The following OSBP2 variants were observed in gnomAD, a reference collection of about 807,000 sequenced individuals.
OSBP2 encodes oxysterol-binding protein 2.
OSBP2 carries 66 observed loss-of-function variants against 96.0 expected under a neutral mutation model. The observed-to-expected ratio is 0.69, with a 90% CI of 0.56 to 0.84. OSBP2 has a LOEUF of 0.84. OSBP2 is among the 40% of genes least tolerant of loss of function. The pLI is 0.00. For missense variants in OSBP2, 1,038 were observed against 1,222.7 expected (o/e 0.85, Z 2.25); for synonymous variants, 525 against 520.9 (o/e 1.01, Z -0.11).
intron 1 of OSBP2, among the ~76,000 whole-genome samples, chr22:30,732,223 G>A (rs1370670515): frequency 6.6e-6 from 1 of 152,144 alleles, no homozygotes; most frequent in African/African-American, 2.4e-5. Flanking sequence ...AGAATCACTT[G>A]AACCTGGGAG....
In OSBP2 at chr22:30,767,320, A is replaced by C. The variant is rs182490663; in HGVS notation, c.853+25951A>C. ...GCAAGACTTTCTCTCTCTTAAAAAA[A>C]AAAAATGTTGTTATACAAAATAAAC... is the stretch of plus-strand genomic sequence containing the variant. On this transcript the variant is annotated intron_variant, in intron 2 of 13. Transcript: ENST00000332585. Among the ~76,000 whole-genome samples, 437 of 151,952 alleles carry C rather than the reference A, an allele frequency of 2.9e-3. 1 individual carries two copies. The highest frequency in any genetic ancestry group is 9.7e-3 in the African/African-American group (403 of 41,412).
rs114248489 is a variant in OSBP2 at position 30,808,318 on chromosome 22, T to C, written c.854-62111T>C. Among the ~76,000 whole-genome samples, 1,162 of 152,044 alleles carry C rather than the reference T, an allele frequency of 7.6e-3. 12 individuals are homozygous for C. Among genetic ancestry groups the C allele is most frequent in the African/African-American group, 0.027 (1,102 of 41,504 alleles). Reference sequence around the variant, plus strand: ...GAGTGCAAGGCCAGCCCAGGCAACATAGCAAGATCCTGTCTCTACAAAAAA... The same window carrying C: ...GAGTGCAAGGCCAGCCCAGGCAACACAGCAAGATCCTGTCTCTACAAAAAA... On this transcript the variant is annotated intron_variant, in intron 2 of 13. Transcript: ENST00000332585.
intron 2 of OSBP2, among the ~76,000 whole-genome samples, chr22:30,858,105 G>A (rs1237670417): frequency 6.6e-6 from 1 of 151,812 alleles, no homozygotes; most frequent in Non-Finnish European, 1.5e-5. Context: ...AGATAATCAG[G>A]TTGTGATTCA....
intron 1 of OSBP2, 52 bp from the exon 2 acceptor site, chr22:30,741,109 G>A (rs2089931899): frequency 7.2e-7 from 1 of 1,397,866 alleles, no homozygotes; most frequent in Non-Finnish European, 1.0e-6. Context: ...TCTTTAGTCT[G>A]GAGCCATTGA....
chr22:30,789,202 G>A (rs185937680), intron 2 of OSBP2, among the ~76,000 whole-genome samples: 1 of 152,166 alleles, frequency 6.6e-6, no homozygotes, highest in Non-Finnish European at 1.5e-5. Flanking sequence ...AAGTTTTGTT[G>A]CATCCTCTTA....
At chr22:30,694,278 G>T, upstream of OSBP2, 5 of 1,549,882 alleles carry the variant, frequency 3.2e-6, no homozygotes, top group Non-Finnish European at 4.4e-6. Flanking sequence ...GGCTCAGGAG[G>T]TGGAGGCGGT....
At chr22:30,864,624 C>T (rs904133534) in intron 2 of OSBP2, among the ~76,000 whole-genome samples, 2 of 152,108 alleles carry the variant, frequency 1.3e-5, no homozygotes, top group East Asian at 3.9e-4. Context: ...GAGTGCGCAG[C>T]TCCCAGCATC....
chr22:30,786,470 C>T (rs1408990568), intron 2 of OSBP2, among the ~76,000 whole-genome samples: 2 of 152,042 alleles, frequency 1.3e-5, no homozygotes. Flanking sequence ...TGTGGGGAGA[C>T]AGACAAACCA....
chr22:30,865,267 G>A (rs189327792), intron 2 of OSBP2, among the ~76,000 whole-genome samples: 52 of 152,282 alleles, frequency 3.4e-4, no homozygotes, highest in Non-Finnish European at 5.9e-4. Context: ...GGAATGGGGT[G>A]TGGGGGCACA....
intron 12 of OSBP2, among the ~76,000 whole-genome samples, chr22:30,901,311 T>C (rs2040188845): frequency 6.6e-6 from 1 of 152,088 alleles, no homozygotes; most frequent in Non-Finnish European, 1.5e-5. Context: ...TCAGGTGATC[T>C]GCCTGCCTCT....
chr22:30,784,805 C>G (rs1278429572), intron 2 of OSBP2, among the ~76,000 whole-genome samples: 1 of 144,858 alleles, frequency 6.9e-6, no homozygotes, highest in Non-Finnish European at 1.5e-5. Flanking sequence ...ATGTGTCTTG[C>G]TCTGTCGCCC....
Position 30,821,636 on chromosome 22 carries a change from C to T in OSBP2, c.854-48793C>T, listed in dbSNP as rs1016708660. On this transcript the variant is annotated intron_variant, in intron 2 of 13. Transcript: ENST00000332585. ...TGGACAGTTGGGTTTCTGACGCCCA[C>T]CACACATCCCACGGAGATTTCGGTG... is the stretch of plus-strand genomic sequence containing the variant. Among the ~76,000 whole-genome samples, 7 of 152,124 alleles carry T rather than the reference C, an allele frequency of 4.6e-5. No individual in the cohort carries two copies. In the East Asian group the frequency reaches 1.4e-3, roughly 29 times the overall value.
chr22:30,814,571 C>G (rs2091057207), intron 2 of OSBP2, among the ~76,000 whole-genome samples: 1 of 151,810 alleles, frequency 6.6e-6, no homozygotes, highest in Non-Finnish European at 1.5e-5. Flanking sequence ...GCTGGGACTA[C>G]AGGCACATGC....
intron 2 of OSBP2, among the ~76,000 whole-genome samples, chr22:30,866,318 G>A (rs1283165045): frequency 6.6e-6 from 1 of 152,246 alleles, no homozygotes; most frequent in Non-Finnish European, 1.5e-5. Flanking sequence ...GAGTGAAGGA[G>A]TAAGGGCAGC....
At chr22:30,825,438 A>T (rs1408886947) in intron 2 of OSBP2, among the ~76,000 whole-genome samples, 1 of 152,214 alleles carries the variant, frequency 6.6e-6, no homozygotes, top group Non-Finnish European at 1.5e-5. Context: ...GGGAGGTTGA[A>T]ATGAGATACT....
At chr22:30,800,341 C>T (rs939082509) in intron 2 of OSBP2, among the ~76,000 whole-genome samples, 2 of 151,980 alleles carry the variant, frequency 1.3e-5, no homozygotes, top group Non-Finnish European at 2.9e-5. Context: ...CCAGGCCTCC[C>T]GAAGTGTCAG....
chr22:30,836,506 T>C (rs1569144125), intron 2 of OSBP2, among the ~76,000 whole-genome samples: 1 of 152,230 alleles, frequency 6.6e-6, no homozygotes, highest in South Asian at 2.1e-4. Context: ...TCCTTCCTTT[T>C]CTTTGCCTGG....
chr22:30,778,660 T>TA (rs1377393965), intron 2 of OSBP2, among the ~76,000 whole-genome samples: 1 of 152,030 alleles, frequency 6.6e-6, no homozygotes, highest in Non-Finnish European at 1.5e-5. Context: ...CCAGTTGTTT[T>TA]AAAAAATAGA....
intron 3 of OSBP2, among the ~76,000 whole-genome samples, chr22:30,874,111 C>T (rs950635324): frequency 2.0e-5 from 3 of 152,202 alleles, no homozygotes; most frequent in African/African-American, 7.2e-5. Context: ...GTGGCACGTA[C>T]CTGTAATCTC....
Sources: gnomAD v4.1 joint callset for allele counts (sites outside exome capture counted in the v4.1 genomes callset) on GRCh38, gnomAD v4.1.1 for gene constraint, MANE v1.5 for transcripts, NCBI Gene and HGNC (gene_info 2026-07-23, HGNC 2026-07-21) for gene names.